PTPRM: variants seen among roughly 807,000 people sequenced by gnomAD.
The protein encoded by PTPRM is receptor-type tyrosine-protein phosphatase mu.
A neutral mutation model predicts 186.7 loss-of-function variants in PTPRM; 47 were observed. The observed-to-expected ratio is 0.25, with a 90% CI of 0.20 to 0.32. PTPRM has a LOEUF of 0.32. PTPRM is among the 10% of genes least tolerant of loss of function. The pLI is 1.00. For synonymous variants in PTPRM, 668 were observed against 674.9 expected (o/e 0.99, Z 0.16); for missense variants, 1,494 against 1,865.0 (o/e 0.80, Z 3.66).
chr18:8,090,499 C>A (rs767669161), intron 11 of PTPRM, among the ~76,000 whole-genome samples: 4 of 152,146 alleles, frequency 2.6e-5, no homozygotes, highest in Non-Finnish European at 5.9e-5. Context: ...ATATGGATAC[C>A]TTTTGCACAT....
intron 14 of PTPRM, among the ~76,000 whole-genome samples, chr18:8,236,920 A>G (rs1033424402): frequency 5.3e-5 from 8 of 152,068 alleles, no homozygotes; most frequent in Admixed American, 5.2e-4. Flanking sequence ...ACTGTTTTCT[A>G]TTTGTTGCTC....
intron 1 of PTPRM, among the ~76,000 whole-genome samples, chr18:7,677,886 C>T (rs1344485335): frequency 2.6e-5 from 4 of 152,064 alleles, no homozygotes; most frequent in Non-Finnish European, 5.9e-5. Flanking sequence ...GGACTTATCA[C>T]CTATCCTATT....
intron 1 of PTPRM, among the ~76,000 whole-genome samples, chr18:7,647,357 C>G (rs1391837281): frequency 6.6e-6 from 1 of 152,146 alleles, no homozygotes; most frequent in Non-Finnish European, 1.5e-5. Flanking sequence ...GACATTATCT[C>G]TCACTAATAT....
intron 7 of PTPRM, among the ~76,000 whole-genome samples, chr18:8,063,039 G>T (rs1363880181): frequency 3.1e-4 from 47 of 150,580 alleles, no homozygotes; most frequent in African/African-American, 1.1e-3. Flanking sequence ...GGGCAATGGC[G>T]GGCGCCCCTC....
intron 14 of PTPRM, among the ~76,000 whole-genome samples, chr18:8,185,597 G>T (rs2093631945): frequency 6.6e-6 from 1 of 152,238 alleles, no homozygotes; most frequent in African/African-American, 2.4e-5. Context: ...CTCTGGGTCT[G>T]TGGCCACCGT....
At chr18:7,743,287 G>T (rs931206653) in intron 1 of PTPRM, among the ~76,000 whole-genome samples, 1 of 152,178 alleles carries the variant, frequency 6.6e-6, no homozygotes, top group Non-Finnish European at 1.5e-5. Context: ...TGAGGATGTC[G>T]TGGAATAATG....
intron 11 of PTPRM, among the ~76,000 whole-genome samples, chr18:8,106,481 T>A (rs1162079172): frequency 6.6e-6 from 1 of 152,184 alleles, no homozygotes; most frequent in Non-Finnish European, 1.5e-5. Context: ...ACGTAGAGAT[T>A]GACACATCCC....
intron 13 of PTPRM, among the ~76,000 whole-genome samples, chr18:8,121,379 T>G (rs2092166630): frequency 6.6e-6 from 1 of 152,210 alleles, no homozygotes; most frequent in South Asian, 2.1e-4. Flanking sequence ...GTCCTTAATT[T>G]TCCAATATTT....
chr18:7,812,094 A>T (rs1210050711), intron 2 of PTPRM, among the ~76,000 whole-genome samples: 1 of 151,804 alleles, frequency 6.6e-6, no homozygotes, highest in Non-Finnish European at 1.5e-5. Context: ...AATTAAACAC[A>T]TTTTCAATTT....
At chr18:8,403,808 A>G (rs1405620748) in intron 32 of PTPRM, 1 of 152,184 alleles carries the variant, frequency 6.6e-6, no homozygotes, top group African/African-American at 2.4e-5. Context: ...TTTTCATAGA[A>G]AAGGAGTGTG....
At chr18:7,947,843 C>T (rs901583311) in intron 5 of PTPRM, among the ~76,000 whole-genome samples, 5 of 152,062 alleles carry the variant, frequency 3.3e-5, no homozygotes, top group Admixed American at 1.3e-4. Flanking sequence ...CCCTGGCCAT[C>T]GTTTCTGATT....
chr18:8,108,177 G>A (rs2091604030), intron 11 of PTPRM, among the ~76,000 whole-genome samples: 1 of 151,850 alleles, frequency 6.6e-6, no homozygotes, highest in South Asian at 2.1e-4. Flanking sequence ...TCTTCAGGAA[G>A]CTATCAATAC....
At chr18:7,784,184 A>G (rs1314636092) in intron 2 of PTPRM, among the ~76,000 whole-genome samples, 1 of 152,202 alleles carries the variant, frequency 6.6e-6, no homozygotes, top group African/African-American at 2.4e-5. Flanking sequence ...AGCCGAATAC[A>G]TTTAAATAAA....
chr18:8,131,178 C>T (rs2092495655), intron 13 of PTPRM, among the ~76,000 whole-genome samples: 1 of 152,162 alleles, frequency 6.6e-6, no homozygotes, highest in East Asian at 1.9e-4. Flanking sequence ...GAATGGATTT[C>T]TTGATAGTAT....
At chr18:8,130,396 C>T (rs910464303) in intron 13 of PTPRM, among the ~76,000 whole-genome samples, 1 of 152,158 alleles carries the variant, frequency 6.6e-6, no homozygotes, top group Non-Finnish European at 1.5e-5. Flanking sequence ...GGTGCATCTT[C>T]TGGGAGCATC....
chr18:8,237,006 C>T (rs879272022), intron 14 of PTPRM, among the ~76,000 whole-genome samples: 10 of 151,658 alleles, frequency 6.6e-5, no homozygotes, highest in Admixed American at 2.6e-4. Flanking sequence ...CCCATTTTGT[C>T]TTCTTTATTA....
At chr18:8,308,356 G>T (rs571076245) in intron 20 of PTPRM, among the ~76,000 whole-genome samples, 9 of 152,190 alleles carry the variant, frequency 5.9e-5, no homozygotes, top group Non-Finnish European at 1.3e-4. Context: ...AACCCTTCCT[G>T]TTTTATGTAT....
At chr18:8,241,513 T>A (rs1274906533) in intron 14 of PTPRM, among the ~76,000 whole-genome samples, 6 of 152,238 alleles carry the variant, frequency 3.9e-5, no homozygotes, top group African/African-American at 1.4e-4. Context: ...GATTTATTTT[T>A]AAATTTGAAT....
intron 14 of PTPRM, among the ~76,000 whole-genome samples, chr18:8,177,216 T>C (rs893539799): frequency 6.6e-5 from 10 of 152,254 alleles, no homozygotes; most frequent in African/African-American, 2.2e-4. Flanking sequence ...AGCCAACCAT[T>C]CAACCAATAA....
Sources: gnomAD v4.1 joint callset for allele counts (sites outside exome capture counted in the v4.1 genomes callset) on GRCh38, gnomAD v4.1.1 for gene constraint, MANE v1.5 for transcripts, NCBI Gene and HGNC (gene_info 2026-07-23, HGNC 2026-07-21) for gene names.